The following MYO15B variants were observed in gnomAD, a reference collection of about 807,000 sequenced individuals.
MYO15B encodes the protein myosin XVB.
Under a neutral mutation model 119.3 loss-of-function variants are expected in MYO15B, and 207 were observed. That is an observed-to-expected ratio of 1.73 (90% CI 1.55 to 1.95). The LOEUF (loss-of-function observed/expected upper bound fraction) is 1.95. MYO15B is among the 30% of genes most tolerant of loss of function. MYO15B has a pLI of 0.00. For synonymous variants in MYO15B, 966 were observed against 498.9 expected (o/e 1.94, Z -12.48); for missense variants, 2,264 against 1,203.1 (o/e 1.88, Z -13.04).
chr17:75,615,852 C>A (rs1329713032), exon 36 of MYO15B: 1 of 699,358 alleles, frequency 1.4e-6, no homozygotes, highest in Non-Finnish European at 2.6e-6. Flanking sequence ...GAAGCCACAG[C>A]GTGACCTGGG....
chr17:75,605,159 C>T (rs1415865699), intron 19 of MYO15B, among the ~76,000 whole-genome samples: 22 of 146,334 alleles, frequency 1.5e-4, no homozygotes, highest in Admixed American at 1.2e-3. Context: ...CCAAAAAGGC[C>T]GGGCGCAGTG....
chr17:75,602,983 T>C (rs1198349230), intron 17 of MYO15B, 38 bp downstream of exon 17: 1 of 701,506 alleles, frequency 1.4e-6, no homozygotes, highest in Non-Finnish European at 2.6e-6. Context: ...CCCAGGGAGT[T>C]GTATGGGGCT....
chr17:75,624,963 C>A (rs565007533), intron 59 of MYO15B, 47 bp downstream of exon 59: 2 of 694,642 alleles, frequency 2.9e-6, no homozygotes, highest in Non-Finnish European at 5.3e-6. Flanking sequence ...GAGGGCGCGG[C>A]TTCCTGCCTG....
At position 75,614,216 on chromosome 17, in the gene MYO15B, C is replaced by T. The variant is rs998683152; in HGVS notation, c.5237C>T (p.Pro1746Leu). ...CCACCCAGAGGCCTGGAGGCGCCTC[C>T]CCGGGGCTGGTCTGTGTCACTGCAC... The change falls in exon 30 of 64, where the codon CCC becomes CTC. Residue 1746 changes from proline (P) to leucine (L), a missense_variant. Coordinates refer to ENST00000645453, the Ensembl canonical transcript of MYO15B. 8 of 702,418 alleles carry T rather than the reference C, an allele frequency of 1.1e-5. No homozygotes were observed. In the African/African-American group the frequency reaches 1.2e-4, roughly 11 times the overall value. 43.5% of individuals were successfully genotyped at this position (702,418 alleles called of 1,614,324 possible).
rs2058641920 is a variant in MYO15B at position 75,620,452 on chromosome 17, C to T, written c.7556-15C>T. On this transcript the variant is annotated splice_polypyrimidine_tract_variant and intron_variant, in intron 48 of 63. Transcript: ENST00000645453. Reference sequence around the variant, plus strand: ...AGGGTCCAGTGGGTGAGCCACATCCCTGGGTGCCTTCCAGGCTGGCAGTTT... The same window carrying T: ...AGGGTCCAGTGGGTGAGCCACATCCTTGGGTGCCTTCCAGGCTGGCAGTTT... 1.4e-6 allele frequency: 1 copy of T among 702,504 alleles called. No individual in the cohort carries two copies. Among genetic ancestry groups the T allele is most frequent in the Non-Finnish European group, 2.6e-6 (1 of 384,762 alleles). 43.5% of individuals were successfully genotyped at this position (702,504 alleles called of 1,614,324 possible). A position where few individuals can be genotyped will look rare whatever the true frequency, so the allele number is the denominator to read the frequency against.
At chr17:75,591,486 TG>T (rs1278239491) in intron 4 of MYO15B, 114 bp from the exon 5 acceptor site, 1 of 662,056 alleles carries the variant, frequency 1.5e-6, no homozygotes, top group South Asian at 1.6e-5. Context: ...TCCACATTTA[TG>T]GGGGTCTCTC....
chr17:75,618,132 T>C, exon 43 of MYO15B: 1 of 703,282 alleles, frequency 1.4e-6, no homozygotes. Context: ...CCAGGTGTTC[T>C]ACCCACGGGA....
exon 24 of MYO15B, chr17:75,611,641 T>C (rs1393236180): frequency 5.7e-6 from 4 of 702,848 alleles, no homozygotes; most frequent in Non-Finnish European, 7.8e-6. Context: ...CTGGCCGTCA[T>C]GCTGAAGACG....
intron 24 of MYO15B, 86 bp downstream of exon 24, chr17:75,611,744 C>A: frequency 1.4e-6 from 1 of 698,682 alleles, no homozygotes; most frequent in South Asian, 1.5e-5. Flanking sequence ...GTTCCTCCCT[C>A]TGATGCTCCA....
exon 60 of MYO15B, chr17:75,625,175 C>A: frequency 1.4e-6 from 1 of 702,538 alleles, no homozygotes; most frequent in Non-Finnish European, 2.6e-6. Flanking sequence ...AAGGCAGACG[C>A]GCAGCTCGCC....
chr17:75,595,259 G>A (rs2056780399), intron 12 of MYO15B, among the ~76,000 whole-genome samples: 1 of 152,198 alleles, frequency 6.6e-6, no homozygotes, highest in African/African-American at 2.4e-5. Flanking sequence ...TCCAGAGGAC[G>A]ATGCCCCTCA....
intron 50 of MYO15B, 22 bp downstream of exon 50, chr17:75,621,198 C>T (rs1003741154): frequency 3.0e-6 from 2 of 674,780 alleles, no homozygotes; most frequent in African/African-American, 3.5e-5. Flanking sequence ...GGGCCAACCC[C>T]TGTGCCTGTC....
Position 75,589,609 on chromosome 17 carries a change from C to G in MYO15B, c.1552C>G (p.Arg518Gly), listed in dbSNP as rs982426492. Residue 518 changes from arginine to glycine, a missense_variant, in exon 1 of 64, where the codon CGC becomes GGC. Physicochemically the swap from Arg to Gly is moderately radical, Grantham distance 125. Transcript: ENST00000645453. This position sits in a 1 kb window ranked among gnomAD's most constrained non-coding sequence, Gnocchi z 4.2. Reference sequence around the variant, plus strand: ...TATGCCGAGGGCTTCCCCTGGTGGCCGCTCCCCGCAGGTCCCGACAAGCCC... The same window carrying G: ...TATGCCGAGGGCTTCCCCTGGTGGCGGCTCCCCGCAGGTCCCGACAAGCCC... 7 of 398,866 alleles carry G rather than the reference C, an allele frequency of 1.8e-5. No homozygotes were observed. Among genetic ancestry groups the G allele is most frequent in the East Asian group, 3.6e-5 (1 of 28,074 alleles). 24.7% of individuals were successfully genotyped at this position (398,866 alleles called of 1,614,324 possible). A position where few individuals can be genotyped will look rare whatever the true frequency, so the allele number is the denominator to read the frequency against.
Position 75,594,458 on chromosome 17 carries a change from C to T in MYO15B, c.2992-17C>T, listed in dbSNP as rs1233198621. 1 of 595,254 alleles carries T rather than the reference C, an allele frequency of 1.7e-6. No homozygotes were observed. The highest frequency in any genetic ancestry group is 2.8e-5 in the East Asian group (1 of 35,692). 36.9% of individuals were successfully genotyped at this position (595,254 alleles called of 1,614,324 possible). A position where few individuals can be genotyped will look rare whatever the true frequency, so the allele number is the denominator to read the frequency against. ...TTCCTGAAGCAGAGATCTCCCTGTCCCTCCCTCTCTGTGTAGCGAGAGTCC... is the reference window on the plus strand; with the variant it reads ...TTCCTGAAGCAGAGATCTCCCTGTCTCTCCCTCTCTGTGTAGCGAGAGTCC... On this transcript the variant is annotated splice_polypyrimidine_tract_variant and intron_variant, in intron 9 of 63. Transcript: ENST00000645453.
chr17:75,588,607 C>G, exon 1 of MYO15B: 1 of 399,684 alleles, frequency 2.5e-6, no homozygotes. Flanking sequence ...GCGGCCCACG[C>G]CGGAGCCTAC....
intron 16 of MYO15B, 51 bp downstream of exon 16, chr17:75,602,645 A>T (rs944207803): frequency 1.6e-6 from 1 of 620,116 alleles, no homozygotes; most frequent in Non-Finnish European, 2.9e-6. Flanking sequence ...CTGTCCCCCA[A>T]TTCTGTCCTT....
At chr17:75,605,031 G>A (rs1473052153) in intron 19 of MYO15B, among the ~76,000 whole-genome samples, 1 of 152,070 alleles carries the variant, frequency 6.6e-6, no homozygotes, top group Non-Finnish European at 1.5e-5. Context: ...CAGCTACTCG[G>A]GAGGCTGAGG....
intron 19 of MYO15B, among the ~76,000 whole-genome samples, chr17:75,603,733 CG>C (rs1169573178): frequency 1.4e-5 from 1 of 69,798 alleles, no homozygotes; most frequent in Non-Finnish European, 2.8e-5. Flanking sequence ...CGGGGAGGGG[CG>C]GGGTGGCACA....
At chr17:75,598,266 C>CAAAAAAA (rs67823231) in intron 14 of MYO15B, among the ~76,000 whole-genome samples, 5 of 140,226 alleles carry the variant, frequency 3.6e-5, no homozygotes, top group East Asian at 2.1e-4. Context: ...GACTCCGTCT[C>CAAAAAAA]AAAAAAAAGA....
Sources: allele counts gnomAD v4.1 joint callset (sites outside exome capture counted in the v4.1 genomes callset), GRCh38; gene constraint gnomAD v4.1.1; non-coding constraint Gnocchi (gnomAD v3.1); transcripts MANE v1.5; gene names NCBI Gene and HGNC (gene_info 2026-07-23, HGNC 2026-07-21).